The following ADCY2 variants were observed in gnomAD, a reference collection of about 807,000 sequenced individuals.
ADCY2 encodes the protein adenylate cyclase 2.
A neutral mutation model predicts 125.2 loss-of-function variants in ADCY2; 31 were observed. The ratio of observed to expected loss-of-function variants is 0.25; its 90% CI spans 0.19 to 0.33. The LOEUF (loss-of-function observed/expected upper bound fraction) is 0.33. Among genes scored for constraint, ADCY2 ranks in the 10% least tolerant of loss-of-function variants. ADCY2 has a pLI of 1.00. For synonymous variants in ADCY2, 512 were observed against 548.4 expected, an observed-to-expected ratio of 0.93 and a Z score of 0.93; for missense variants, 904 against 1,418.2, an observed-to-expected ratio of 0.64 and a Z score of 5.82.
chr5:7,456,319 C>G (rs1741667576), intron 2 of ADCY2, among the ~76,000 whole-genome samples: 1 of 152,060 alleles, frequency 6.6e-6, no homozygotes, highest in Admixed American at 6.5e-5. Flanking sequence ...ATTCAGTGTT[C>G]AGTGATGATC....
At chr5:7,814,342 C>T (rs896803667) in intron 22 of ADCY2, among the ~76,000 whole-genome samples, 1 of 151,958 alleles carries the variant, frequency 6.6e-6, no homozygotes, top group Non-Finnish European at 1.5e-5. Context: ...TACTCCTCCC[C>T]CCGCCCCCCG....
intron 20 of ADCY2, chr5:7,798,726 C>G (rs1343450934): frequency 6.6e-6 from 1 of 151,954 alleles, no homozygotes; most frequent in Non-Finnish European, 1.5e-5. Context: ...ACTACAGGCC[C>G]CCACCACCGT....
At chr5:7,412,657 G>A (rs73737370) in intron 1 of ADCY2, among the ~76,000 whole-genome samples, 5,924 of 152,330 alleles carry the variant, frequency 0.039, 394 homozygotes, top group African/African-American at 0.13. Flanking sequence ...TGATCTACTT[G>A]TTTTCTGCCA....
intron 2 of ADCY2, among the ~76,000 whole-genome samples, chr5:7,519,814 C>T (rs1162202580): frequency 6.6e-6 from 1 of 152,178 alleles, no homozygotes; most frequent in African/African-American, 2.4e-5. Context: ...CGTTCCCCAG[C>T]CAGTCCCCTT....
At chr5:7,597,277 T>A (rs1200773335) in intron 3 of ADCY2, among the ~76,000 whole-genome samples, 1 of 152,232 alleles carries the variant, frequency 6.6e-6, no homozygotes, top group Non-Finnish European at 1.5e-5. Flanking sequence ...GCAAACGTTC[T>A]AGCCAGTGCA....
chr5:7,505,206 A>G (rs949108698), intron 2 of ADCY2, among the ~76,000 whole-genome samples: 1 of 152,196 alleles, frequency 6.6e-6, no homozygotes, highest in Non-Finnish European at 1.5e-5. Context: ...AAAGTAATGC[A>G]AAGCCTGTTA....
At chr5:7,485,415 A>T (rs571790515) in intron 2 of ADCY2, among the ~76,000 whole-genome samples, 5 of 152,340 alleles carry the variant, frequency 3.3e-5, no homozygotes, top group African/African-American at 7.2e-5. Flanking sequence ...AGCATGAAAA[A>T]ATTAAGTTTA....
At chr5:7,786,430 G>A (rs531991396) in intron 19 of ADCY2, among the ~76,000 whole-genome samples, 3 of 152,334 alleles carry the variant, frequency 2.0e-5, no homozygotes, top group African/African-American at 7.2e-5. Flanking sequence ...TTTATTAAAT[G>A]ATAGTATATG....
chr5:7,683,085 G>C (rs1428646968), intron 4 of ADCY2, among the ~76,000 whole-genome samples: 1 of 152,218 alleles, frequency 6.6e-6, no homozygotes, highest in African/African-American at 2.4e-5. Flanking sequence ...CTGCAAGGCA[G>C]ACAAGTGGGG....
At chr5:7,788,566 G>T (rs1744155486) in intron 19 of ADCY2, among the ~76,000 whole-genome samples, 1 of 152,204 alleles carries the variant, frequency 6.6e-6, no homozygotes, top group Admixed American at 6.5e-5. Flanking sequence ...CCACACCAGA[G>T]GAGGAGTTTT....
chr5:7,437,823 CAGAA>C (rs1740863972), intron 2 of ADCY2, among the ~76,000 whole-genome samples: 1 of 152,204 alleles, frequency 6.6e-6, no homozygotes. Context: ...GTGCTGAAAT[CAGAA>C]AGCACAAGAA....
In ADCY2 at chr5:7,802,040, C is replaced by G; in HGVS notation, c.2629-178C>G. Reference sequence around the variant, plus strand: ...TGGCCTGAATCCAGCTCATTAGAAGCTTTCCCCTGAGAGCAGCGGCAGCAT... The same window carrying G: ...TGGCCTGAATCCAGCTCATTAGAAGGTTTCCCCTGAGAGCAGCGGCAGCAT... On this transcript the variant is annotated intron_variant, in intron 20 of 24. Transcript: ENST00000338316. The surrounding 1 kb of genome is among the most constrained non-coding windows in gnomAD (Gnocchi z 4.6). The G allele has an allele frequency of 3.2e-6, 2 of 624,780 alleles. No homozygotes were observed. The highest frequency in any genetic ancestry group is 4.4e-5 in the South Asian group (2 of 44,986). 38.7% of individuals were successfully genotyped at this position (624,780 alleles called of 1,614,324 possible).
intron 10 of ADCY2, among the ~76,000 whole-genome samples, chr5:7,710,833 C>G (rs1741416588): frequency 6.6e-6 from 1 of 152,094 alleles, no homozygotes; most frequent in Admixed American, 6.6e-5. Context: ...AAGAGTTTAG[C>G]AGTGGAAGCA....
At chr5:7,801,917 A>G in intron 20 of ADCY2, 1 of 278,196 alleles carries the variant, frequency 3.6e-6, no homozygotes. Context: ...TTGAAAGGAC[A>G]CTTTTTACTA....
intron 16 of ADCY2, among the ~76,000 whole-genome samples, chr5:7,758,221 A>G (rs1438508543): frequency 1.3e-5 from 2 of 152,206 alleles, no homozygotes; most frequent in African/African-American, 4.8e-5. Context: ...TGTTCCCACC[A>G]CACTTAGGAC....
intron 3 of ADCY2, among the ~76,000 whole-genome samples, chr5:7,556,694 C>T (rs755871789): frequency 2.0e-5 from 3 of 152,168 alleles, no homozygotes; most frequent in African/African-American, 7.2e-5. Context: ...GGGCAGCAGG[C>T]GAGCTCGCTT....
At chr5:7,526,551 T>C (rs1368033735) in intron 3 of ADCY2, among the ~76,000 whole-genome samples, 1 of 152,128 alleles carries the variant, frequency 6.6e-6, no homozygotes, top group African/African-American at 2.4e-5. Flanking sequence ...TTACACCTTG[T>C]AAACAAGTAT....
intron 15 of ADCY2, among the ~76,000 whole-genome samples, chr5:7,756,013 G>A (rs556205479): frequency 6.6e-6 from 1 of 152,322 alleles, no homozygotes; most frequent in South Asian, 2.1e-4. Context: ...TCCTTCTTCT[G>A]AATTTCTTGA....
intron 3 of ADCY2, among the ~76,000 whole-genome samples, chr5:7,584,944 T>A (rs1277938618): frequency 6.6e-6 from 1 of 152,088 alleles, no homozygotes; most frequent in African/African-American, 2.4e-5. Flanking sequence ...CATCACAAAC[T>A]AAAAATAATG....
Sources: gnomAD v4.1 joint callset for allele counts (sites outside exome capture counted in the v4.1 genomes callset) on GRCh38, gnomAD v4.1.1 for gene constraint, Gnocchi (gnomAD v3.1) non-coding constraint, MANE v1.5 for transcripts, NCBI Gene and HGNC (gene_info 2026-07-23, HGNC 2026-07-21) for gene names.